Variants in PIK3C3 observed in about 807,000 individuals in gnomAD.
PIK3C3 encodes phosphatidylinositol 3-kinase catalytic subunit type 3.
In PIK3C3, 95 loss-of-function variants were observed where a neutral mutation model predicts 126.1. The ratio of observed to expected loss-of-function variants is 0.75; its 90% CI spans 0.64 to 0.89. The LOEUF (loss-of-function observed/expected upper bound fraction) is 0.89. Ranked by LOEUF, PIK3C3 falls within the 40% of genes least tolerant of loss-of-function variation. PIK3C3 has a pLI of 0.00. For missense variants in PIK3C3, 829 were observed against 1,063.2 expected (o/e 0.78, Z 3.06); for synonymous variants, 374 against 360.0 (o/e 1.04, Z -0.44).
At chr18:42,076,979 A>G (rs898650780) in intron 24 of PIK3C3, among the ~76,000 whole-genome samples, 8 of 152,216 alleles carry the variant, frequency 5.3e-5, no homozygotes, top group African/African-American at 1.9e-4. Flanking sequence ...TTTTTCCTAA[A>G]GACACAGACA....
At chr18:42,012,755 G>A (rs747433406) in intron 10 of PIK3C3, among the ~76,000 whole-genome samples, 1 of 152,024 alleles carries the variant, frequency 6.6e-6, no homozygotes, top group Non-Finnish European at 1.5e-5. Context: ...TTATCTCATT[G>A]ATTGTCACTT....
intron 21 of PIK3C3, among the ~76,000 whole-genome samples, chr18:42,055,774 G>A (rs1247867619): frequency 1.3e-5 from 2 of 151,726 alleles, no homozygotes; most frequent in Non-Finnish European, 2.9e-5. Context: ...TTTTGATGTT[G>A]GACACGTTTA....
chr18:42,040,227 G>A (rs542486347), intron 18 of PIK3C3, among the ~76,000 whole-genome samples: 1 of 145,488 alleles, frequency 6.9e-6, no homozygotes, highest in East Asian at 2.0e-4. Context: ...GACAGAAGAT[G>A]GAATATTAGA....
intron 12 of PIK3C3, among the ~76,000 whole-genome samples, chr18:42,019,539 T>C (rs765075823): frequency 2.0e-5 from 3 of 152,152 alleles, no homozygotes; most frequent in Admixed American, 6.6e-5. Flanking sequence ...GGTGATACTG[T>C]ATATCTCTTG....
chr18:41,996,257 G>T (rs1173993081), intron 8 of PIK3C3, among the ~76,000 whole-genome samples: 5 of 152,120 alleles, frequency 3.3e-5, no homozygotes, highest in Non-Finnish European at 7.4e-5. Context: ...CTAAGACATT[G>T]CCTGAGAGGA....
At chr18:41,960,495 C>T (rs1261070361) in intron 2 of PIK3C3, among the ~76,000 whole-genome samples, 3 of 152,066 alleles carry the variant, frequency 2.0e-5, no homozygotes, top group Non-Finnish European at 2.9e-5. Context: ...GCGGTGATGG[C>T]GGTACCTGGT....
intron 4 of PIK3C3, among the ~76,000 whole-genome samples, chr18:41,981,560 A>G (rs1317908364): frequency 6.6e-6 from 1 of 152,200 alleles, no homozygotes; most frequent in East Asian, 1.9e-4. Flanking sequence ...ATACATAGGC[A>G]TATGCAAAGT....
intron 3 of PIK3C3, among the ~76,000 whole-genome samples, chr18:41,966,098 A>G (rs1463353535): frequency 6.6e-6 from 1 of 151,614 alleles, no homozygotes; most frequent in Non-Finnish European, 1.5e-5. Context: ...TCTCACTTAG[A>G]GCTTGATTTC....
Position 42,047,998 on chromosome 18 carries a change from G to T in PIK3C3, c.2189-1533G>T, listed in dbSNP as rs190645803. Among the ~76,000 whole-genome samples, 17 of 152,290 alleles carry T rather than the reference G, an allele frequency of 1.1e-4. No homozygotes were observed. In the East Asian group the frequency reaches 3.3e-3, roughly 29 times the overall value. On this transcript the variant is annotated intron_variant, in intron 20 of 24. Coordinates refer to ENST00000262039, the MANE Select transcript of PIK3C3 (RefSeq NM_002647.4). Reference sequence around the variant, plus strand: ...GTAATGCTTAAACCAGTGTGTAAATGAATGAGTATGACTGTGTTCAAATAA... The same window carrying T: ...GTAATGCTTAAACCAGTGTGTAAATTAATGAGTATGACTGTGTTCAAATAA...
At chr18:42,000,602 T>C (rs1568129516) in intron 9 of PIK3C3, among the ~76,000 whole-genome samples, 1 of 152,068 alleles carries the variant, frequency 6.6e-6, no homozygotes, top group Non-Finnish European at 1.5e-5. Context: ...ATTATTCCGC[T>C]TTCACACTTC....
intron 9 of PIK3C3, among the ~76,000 whole-genome samples, chr18:42,003,178 G>T (rs1462586528): frequency 7.2e-5 from 11 of 152,256 alleles, no homozygotes; most frequent in East Asian, 1.9e-4. Context: ...GGGTTTGAAG[G>T]TTCATTTAGT....
chr18:42,011,562 T>G (rs1266293963), intron 10 of PIK3C3, among the ~76,000 whole-genome samples: 2 of 152,222 alleles, frequency 1.3e-5, no homozygotes, highest in Non-Finnish European at 2.9e-5. Flanking sequence ...GCTAGTTTGA[T>G]CTACCCAGAC....
At chr18:42,061,116 A>G (rs979537329) in intron 22 of PIK3C3, among the ~76,000 whole-genome samples, 7 of 152,338 alleles carry the variant, frequency 4.6e-5, no homozygotes, top group African/African-American at 1.4e-4. Flanking sequence ...AATAGTTGGC[A>G]TGAACGTGGG....
chr18:42,027,322 A>G, intron 13 of PIK3C3, 121 bp from the exon 14 acceptor site: 1 of 454,846 alleles, frequency 2.2e-6, no homozygotes, highest in South Asian at 4.3e-5. Flanking sequence ...GTGTTTTATT[A>G]CTCCAATTTT....
chr18:42,062,090 C>T (rs575678773), intron 22 of PIK3C3, among the ~76,000 whole-genome samples: 2 of 152,238 alleles, frequency 1.3e-5, no homozygotes, highest in South Asian at 2.1e-4. Context: ...AGTTGGAGAA[C>T]TTCTAATATA....
At position 42,020,507 on chromosome 18, in the gene PIK3C3, A is replaced by G. The variant is rs1198292120; in HGVS notation, c.1417-131A>G. The G allele has an allele frequency of 5.0e-6, 3 of 599,346 alleles. No individual in the cohort carries two copies. The East Asian group carries it at 8.7e-5, about 17-fold the overall frequency. The allele number at this position is 599,346 out of a possible 1,614,324, so 37.1% of individuals were successfully genotyped here. ...GTTTTATGTATGTATGTAAGGATAG[A>G]TAAATGGCAGAAAATCTGATCTATT... On this transcript the variant is annotated intron_variant, in intron 12 of 24. Coordinates refer to ENST00000262039, the MANE Select transcript of PIK3C3 (RefSeq NM_002647.4).
intron 17 of PIK3C3, 82 bp from the exon 18 acceptor site, chr18:42,038,699 A>C (rs1984172132): frequency 2.5e-6 from 2 of 814,970 alleles, no homozygotes; most frequent in African/African-American, 3.4e-5. Flanking sequence ...TTATTACATT[A>C]AACTGCTATA....
chr18:42,076,129 T>TATATGCAC lies in PIK3C3; in HGVS notation c.2650-4990_2650-4989insGCACATAT, dbSNP rs1568013628. Among the ~76,000 whole-genome samples, 73 of 81,686 alleles carry TATATGCAC rather than the reference T, an allele frequency of 8.9e-4. 9 individuals are homozygous for TATATGCAC. The highest frequency in any genetic ancestry group is 6.1e-3 in the African/African-American group (71 of 11,556). The allele number at this position is 81,686 out of a possible 152,430, so 53.6% of individuals were successfully genotyped here. ...ATATATATATATATATATGCGCATA[T>TATATGCAC]ATATATATATATATGCGCATATATA... is the stretch of plus-strand genomic sequence containing the variant. On this transcript the variant is annotated intron_variant, in intron 24 of 24. Coordinates refer to ENST00000262039, the MANE Select transcript of PIK3C3 (RefSeq NM_002647.4).
At chr18:42,000,161 C>T (rs558107852) in intron 9 of PIK3C3, among the ~76,000 whole-genome samples, 7 of 152,260 alleles carry the variant, frequency 4.6e-5, no homozygotes, top group African/African-American at 1.7e-4. Flanking sequence ...TCAAGTGATT[C>T]TCCTGTCTCA....
Sources: allele counts gnomAD v4.1 joint callset (sites outside exome capture counted in the v4.1 genomes callset), GRCh38; gene constraint gnomAD v4.1.1; transcripts MANE v1.5; gene names NCBI Gene and HGNC (gene_info 2026-07-23, HGNC 2026-07-21).